Variants in ABTB3 observed in about 807,000 individuals in gnomAD.
The protein encoded by ABTB3 is ankyrin repeat and BTB domain containing 3.
chr12:107,412,915 C>A, the ABTB3 span, among the ~76,000 whole-genome samples: 2 of 152,138 alleles, frequency 1.3e-5, no homozygotes, highest in Non-Finnish European at 2.9e-5. Flanking sequence ...CCCTGGAGCT[C>A]CAGATGCAGC....
At chr12:107,439,822 C>T in the ABTB3 span, among the ~76,000 whole-genome samples, 4 of 151,950 alleles carry the variant, frequency 2.6e-5, no homozygotes, top group East Asian at 7.7e-4. Flanking sequence ...TTTCCTCCCA[C>T]TTCCTTCATT....
chr12:107,362,247 A>G, the ABTB3 span, among the ~76,000 whole-genome samples: 24 of 152,214 alleles, frequency 1.6e-4, no homozygotes, highest in African/African-American at 5.3e-4. Flanking sequence ...GCAGACCTCA[A>G]CCTGGAACTA....
At chr12:107,589,162 G>A in the ABTB3 span, among the ~76,000 whole-genome samples, 1 of 152,218 alleles carries the variant, frequency 6.6e-6, no homozygotes, top group South Asian at 2.1e-4. Context: ...CAATACTTGT[G>A]TCATAGTAAA....
At chr12:107,618,305 G>A in the ABTB3 span, 2 of 1,613,894 alleles carry the variant, frequency 1.2e-6, no homozygotes, top group Middle Eastern at 1.6e-4. Context: ...CCAAACTGAG[G>A]GCCCTGAGGG....
the ABTB3 span, among the ~76,000 whole-genome samples, chr12:107,512,402 G>C: frequency 6.6e-6 from 1 of 152,224 alleles, no homozygotes; most frequent in African/African-American, 2.4e-5. Context: ...TGTATCTGTA[G>C]ACTTTGTCTT....
At chr12:107,541,388 G>A in the ABTB3 span, among the ~76,000 whole-genome samples, 7 of 152,366 alleles carry the variant, frequency 4.6e-5, no homozygotes, top group South Asian at 2.1e-4. Context: ...GTCAGATATC[G>A]TATTAGTCAG....
At chr12:107,586,236 G>C in the ABTB3 span, among the ~76,000 whole-genome samples, 1 of 152,022 alleles carries the variant, frequency 6.6e-6, no homozygotes, top group Non-Finnish European at 1.5e-5. Context: ...AAGCCAACTA[G>C]AGCTGCATCC....
chr12:107,612,449 A>G, the ABTB3 span, among the ~76,000 whole-genome samples: 3 of 152,356 alleles, frequency 2.0e-5, no homozygotes, highest in African/African-American at 7.2e-5. Context: ...GATATTGCAG[A>G]ATCAATCTAG....
chr12:107,520,787 A>T, the ABTB3 span: 4 of 979,418 alleles, frequency 4.1e-6, no homozygotes, highest in African/African-American at 6.5e-5. Context: ...GTGTACACTA[A>T]ACAATGCCAG....
chr12:107,562,747 A>G, the ABTB3 span, among the ~76,000 whole-genome samples: 1 of 152,256 alleles, frequency 6.6e-6, no homozygotes, highest in South Asian at 2.1e-4. Flanking sequence ...CAGTATCCTA[A>G]GTCTGCTCTC....
chr12:107,437,591 G>A, the ABTB3 span, among the ~76,000 whole-genome samples: 7 of 151,784 alleles, frequency 4.6e-5, no homozygotes, highest in African/African-American at 9.7e-5. Flanking sequence ...TAGTAAAGAC[G>A]GGGTTTCACC....
At chr12:107,574,437 T>C in the ABTB3 span, among the ~76,000 whole-genome samples, 1 of 152,212 alleles carries the variant, frequency 6.6e-6, no homozygotes, top group Admixed American at 6.5e-5. Context: ...AAATGCAGAA[T>C]CTCAGCTGGG....
At chr12:107,592,974 G>A in the ABTB3 span, among the ~76,000 whole-genome samples, 1 of 152,190 alleles carries the variant, frequency 6.6e-6, no homozygotes, top group African/African-American at 2.4e-5. Flanking sequence ...CATTGAGAAA[G>A]CAAGTTCTGG....
At chr12:107,419,090 G>C in the ABTB3 span, among the ~76,000 whole-genome samples, 1 of 152,208 alleles carries the variant, frequency 6.6e-6, no homozygotes, top group East Asian at 1.9e-4. Flanking sequence ...GGTGATCAGG[G>C]TCATGAGGTT....
chr12:107,523,079 G>A, the ABTB3 span, among the ~76,000 whole-genome samples: 1 of 152,176 alleles, frequency 6.6e-6, no homozygotes. Flanking sequence ...TGTTAAAGTG[G>A]GGGTTGGTAT....
chr12:107,445,365 A>G, the ABTB3 span, among the ~76,000 whole-genome samples: 2,947 of 152,336 alleles, frequency 0.019, 51 homozygotes, highest in Non-Finnish European at 0.021. Flanking sequence ...CAGGCACACC[A>G]CATGAGCCAC....
chr12:107,507,435 C>A, the ABTB3 span, among the ~76,000 whole-genome samples: 1 of 152,286 alleles, frequency 6.6e-6, no homozygotes, highest in African/African-American at 2.4e-5. Flanking sequence ...AAGTGCCGTT[C>A]TCTGCCTCTG....
the ABTB3 span, among the ~76,000 whole-genome samples, chr12:107,625,099 T>C: frequency 1.3e-5 from 2 of 152,244 alleles, no homozygotes; most frequent in Non-Finnish European, 2.9e-5. Flanking sequence ...TGAATATATT[T>C]TCAAGTGCTT....
chr12:107,526,737 G>T, the ABTB3 span, among the ~76,000 whole-genome samples: 2 of 152,118 alleles, frequency 1.3e-5, no homozygotes, highest in East Asian at 3.8e-4. Context: ...ATCAAAACAG[G>T]ACCATTAATT....
Sources: gnomAD v4.1 joint callset for allele counts (sites outside exome capture counted in the v4.1 genomes callset) on GRCh38, gnomAD v4.1.1 for gene constraint, MANE v1.5 for transcripts, NCBI Gene and HGNC (gene_info 2026-07-23, HGNC 2026-07-21) for gene names.